The following PPIP5K1 variants were observed in gnomAD, a reference collection of about 807,000 sequenced individuals.
The protein encoded by PPIP5K1 is diphosphoinositol pentakisphosphate kinase 1.
PPIP5K1 carries 6 observed loss-of-function variants against 27.7 expected under a neutral mutation model. The ratio of observed to expected loss-of-function variants is 0.22; its 90% CI spans 0.12 to 0.43. PPIP5K1 has a LOEUF of 0.43. Among genes scored for constraint, PPIP5K1 ranks in the 20% least tolerant of loss-of-function variants. PPIP5K1 has a pLI of 1.00. For missense variants in PPIP5K1, 394 were observed against 635.4 expected (o/e 0.62, Z 4.08); for synonymous variants, 145 against 242.6 (o/e 0.60, Z 3.74).
chr15:43,558,366 T>G (rs1442527523), intron 30 of PPIP5K1, among the ~76,000 whole-genome samples: 1 of 152,056 alleles, frequency 6.6e-6, no homozygotes, highest in Non-Finnish European at 1.5e-5. Context: ...TAGCTGGGAC[T>G]GCAGGCGCAC....
chr15:43,553,793 C>T (rs185671575), intron 30 of PPIP5K1, among the ~76,000 whole-genome samples: 12 of 151,902 alleles, frequency 7.9e-5, no homozygotes, highest in Admixed American at 5.2e-4. Flanking sequence ...TACAGGTGCC[C>T]GCCACCACGC....
chr15:43,567,417 C>CG (rs1469316106), intron 26 of PPIP5K1, among the ~76,000 whole-genome samples: 276 of 2,016 alleles, frequency 0.14, no homozygotes, highest in Middle Eastern at 0.5. Context: ...TGCGCCTGGC[C>CG]AGATCTACAC....
intron 30 of PPIP5K1, among the ~76,000 whole-genome samples, 176 bp from the exon 31 acceptor site, chr15:43,539,759 T>A (rs2080420092): frequency 6.6e-6 from 1 of 152,222 alleles, no homozygotes; most frequent in African/African-American, 2.4e-5. Flanking sequence ...CGTTATATTA[T>A]GAACATTTTC....
At chr15:43,551,503 G>C (rs1415894778) in intron 30 of PPIP5K1, among the ~76,000 whole-genome samples, 2 of 91,950 alleles carry the variant, frequency 2.2e-5, no homozygotes, top group Admixed American at 2.5e-4. Flanking sequence ...AGGCAACAGA[G>C]CAAGACTCTG....
intron 30 of PPIP5K1, among the ~76,000 whole-genome samples, chr15:43,549,040 AAAAAAAAAAAAAAAAAATAT>A (rs1360334676): frequency 3.2e-5 from 3 of 92,542 alleles, no homozygotes; most frequent in Middle Eastern, 4.6e-3. Flanking sequence ...AAAAAAAAAA[AAAAAAAAAAAAAAAAAATAT>A]ATATATATAT....
At chr15:43,545,939 C>T (rs1187104739) in intron 30 of PPIP5K1, among the ~76,000 whole-genome samples, 1 of 152,028 alleles carries the variant, frequency 6.6e-6, no homozygotes, top group Non-Finnish European at 1.5e-5. Context: ...AAGTCAATCC[C>T]GGCTGCTCTG....
At chr15:43,543,454 A>C (rs1194538632) in intron 30 of PPIP5K1, among the ~76,000 whole-genome samples, 3 of 151,332 alleles carry the variant, frequency 2.0e-5, no homozygotes, top group African/African-American at 4.9e-5. Flanking sequence ...CAAAAAAAAA[A>C]CTCCTGGGAT....
chr15:43,559,377 C>T (rs990481748), intron 29 of PPIP5K1, among the ~76,000 whole-genome samples: 3 of 152,098 alleles, frequency 2.0e-5, no homozygotes, highest in African/African-American at 7.2e-5. Context: ...ATAAGAGAAC[C>T]AGATTAAGGA....
At chr15:43,551,608 T>TTTTTTTTTTTTTG in intron 30 of PPIP5K1, among the ~76,000 whole-genome samples, 1 of 108,564 alleles carries the variant, frequency 9.2e-6, no homozygotes, top group East Asian at 2.5e-4. Context: ...TTGATTCAGT[T>TTTTTTTTTTTTTG]TTTTTTTTTT....
intron 30 of PPIP5K1, among the ~76,000 whole-genome samples, chr15:43,553,345 T>C (rs899974835): frequency 6.6e-6 from 1 of 152,022 alleles, no homozygotes; most frequent in Non-Finnish European, 1.5e-5. Context: ...TTCTTCTTTT[T>C]TTTTTTTTAA....
chr15:43,581,495 CAAA>C lies in PPIP5K1; in HGVS notation c.778-110_778-108del, dbSNP rs1156952043. On this transcript the variant is annotated intron_variant, in intron 8 of 31. Coordinates refer to ENST00000420765, the MANE Select transcript of PPIP5K1 (RefSeq NM_001394395.1). Reference sequence around the variant, plus strand: ...GAGTTTCAGAGTAAAACAACAACAACAAAAACAAAACAAATCCTGAGCATTAAG... The same window carrying C: ...GAGTTTCAGAGTAAAACAACAACAACAACAAAACAAATCCTGAGCATTAAG... 3 of 722,294 alleles carry C rather than the reference CAAA, an allele frequency of 4.2e-6. No homozygotes were observed. In the East Asian group the frequency reaches 8.4e-5, roughly 20 times the overall value. The allele number at this position is 722,294 out of a possible 1,614,324, so 44.7% of individuals were successfully genotyped here.
intron 30 of PPIP5K1, among the ~76,000 whole-genome samples, chr15:43,541,697 C>G (rs1313395697): frequency 4.0e-5 from 6 of 150,590 alleles, no homozygotes; most frequent in Non-Finnish European, 8.8e-5. Context: ...ACACTCCAGC[C>G]TGGGCAACAA....
chr15:43,536,384 A>T, intron 31 of PPIP5K1: 1 of 188,588 alleles, frequency 5.3e-6, no homozygotes, highest in South Asian at 7.9e-5. Flanking sequence ...GTGCCACTAT[A>T]CTCCAGCCTG....
At chr15:43,539,860 A>T (rs774054259) in intron 30 of PPIP5K1, among the ~76,000 whole-genome samples, 4 of 152,258 alleles carry the variant, frequency 2.6e-5, no homozygotes, top group Non-Finnish European at 5.9e-5. Flanking sequence ...CATTTTTGCC[A>T]TACTTGTTTC....
chr15:43,535,728 C>A (rs534562671), intron 31 of PPIP5K1, among the ~76,000 whole-genome samples: 25 of 152,194 alleles, frequency 1.6e-4, no homozygotes, highest in Non-Finnish European at 3.1e-4. Flanking sequence ...CTAAGACCCA[C>A]TTCATCTGGT....
In PPIP5K1 at chr15:43,551,606, G is replaced by GT. The variant is rs1293557795; in HGVS notation, c.3556+7188dup. Among the ~76,000 whole-genome samples the GT allele has an allele frequency of 2.1e-3, 217 of 105,424 alleles. 8 individuals are homozygous for GT. The highest frequency in any genetic ancestry group is 2.5e-3 in the Non-Finnish European group (146 of 57,800). 69.2% of individuals were successfully genotyped at this position (105,424 alleles called of 152,430 possible). A position where few individuals can be genotyped will look rare whatever the true frequency, so the allele number is the denominator to read the frequency against. On this transcript the variant is annotated intron_variant, in intron 30 of 31. Coordinates refer to ENST00000420765, the MANE Select transcript of PPIP5K1 (RefSeq NM_001394395.1). ...TTTAGACTTTCTACTTCTTGATTCA[G>GT]TTTTTTTTTTTTTTGAGACGGAGTC...
chr15:43,552,350 T>C (rs976430414), intron 30 of PPIP5K1, among the ~76,000 whole-genome samples: 3 of 152,006 alleles, frequency 2.0e-5, no homozygotes, highest in Non-Finnish European at 4.4e-5. Context: ...TTCATTTTCA[T>C]TCATCTCAAA....
intron 30 of PPIP5K1, among the ~76,000 whole-genome samples, 187 bp downstream of exon 30, chr15:43,558,608 C>A (rs557984310): frequency 6.6e-6 from 1 of 151,902 alleles, no homozygotes; most frequent in Admixed American, 6.6e-5. Context: ...CCACCTGCCT[C>A]GGCCTCCCAA....
chr15:43,550,753 C>T (rs563570036), intron 30 of PPIP5K1, among the ~76,000 whole-genome samples: 24 of 152,256 alleles, frequency 1.6e-4, no homozygotes, highest in African/African-American at 5.8e-4. Context: ...TTCATAAATG[C>T]CCTTTATCAT....
Sources: allele counts gnomAD v4.1 joint callset (sites outside exome capture counted in the v4.1 genomes callset), GRCh38; gene constraint gnomAD v4.1.1; transcripts MANE v1.5; gene names NCBI Gene and HGNC (gene_info 2026-07-23, HGNC 2026-07-21).